The following C2CD3 variants were observed in gnomAD, a reference collection of about 807,000 sequenced individuals.
C2CD3 encodes the protein C2 domain containing 3 centriole elongation regulator.
A neutral mutation model predicts 234.0 loss-of-function variants in C2CD3; 148 were observed. The observed-to-expected ratio is 0.63, with a 90% CI of 0.55 to 0.72. The LOEUF is 0.72. C2CD3 is among the 30% of genes least tolerant of loss of function. C2CD3 has a pLI of 0.00. For missense variants in C2CD3, 2,577 were observed against 2,811.5 expected, an observed-to-expected ratio of 0.92 and a Z score of 1.89; for synonymous variants, 1,000 against 1,035.4, an observed-to-expected ratio of 0.97 and a Z score of 0.66.
At chr11:74,088,557 A>G (rs1955755907) in intron 20 of C2CD3, among the ~76,000 whole-genome samples, 1 of 152,196 alleles carries the variant, frequency 6.6e-6, no homozygotes, top group Non-Finnish European at 1.5e-5. Context: ...CCTGTCATCC[A>G]ATCTGACTTT....
chr11:74,082,978 T>C (rs1011560955), intron 22 of C2CD3, among the ~76,000 whole-genome samples: 20 of 152,190 alleles, frequency 1.3e-4, no homozygotes, highest in African/African-American at 4.6e-4. Flanking sequence ...AGAGCCCGCA[T>C]TGCCAAGACA....
rs188923307 is a variant in C2CD3 at position 74,037,711 on chromosome 11, G to A, written c.5661-13C>T. On this transcript the variant is annotated splice_polypyrimidine_tract_variant and intron_variant, in intron 29 of 32. Transcript: ENST00000334126. ...ACTCAGATTCTTCCTATAAACAAAA[G>A]GGGGAGAAGAAGACAAAGGGGTAAT... The A allele has an allele frequency of 6.8e-4, 1,088 of 1,597,656 alleles. 6 individuals are homozygous for A. In the African/African-American group the frequency reaches 0.012, roughly 18 times the overall value.
At chr11:74,147,246 C>T (rs1855269818) in intron 3 of C2CD3, among the ~76,000 whole-genome samples, 1 of 151,898 alleles carries the variant, frequency 6.6e-6, no homozygotes, top group Admixed American at 6.6e-5. Flanking sequence ...AAGGCCTTGT[C>T]TCTACAAAAA....
chr11:74,138,835 C>T lies in C2CD3; in HGVS notation c.840G>A (p.Gln280=), dbSNP rs139995248. ...ATTCAGAACTGTTCAGAAGGGACAT[C>T]TGCTTCCGTGGAGCTCTGCCTTTCA... The part of the protein sequence containing the change: ...VTLKGRAPRK[Q]MSLLNSSEFQ... The change falls in exon 5 of 33, where the codon CAG becomes CAA. Residue 280 remains glutamine, a synonymous_variant. Coordinates refer to ENST00000334126, the MANE Select transcript of C2CD3 (RefSeq NM_001286577.2). 125 of 1,614,052 alleles carry T rather than the reference C, an allele frequency of 7.7e-5. 1 individual carries two copies. In the Middle Eastern group the frequency reaches 5.9e-3, roughly 77 times the overall value.
chr11:74,150,612 A>G (rs937947184), intron 3 of C2CD3, among the ~76,000 whole-genome samples: 1 of 151,458 alleles, frequency 6.6e-6, no homozygotes, highest in Non-Finnish European at 1.5e-5. Context: ...CAGCTTCAAC[A>G]ATTATTCACA....
In C2CD3 at chr11:74,033,906, C is replaced by T. The variant is rs1389820066; in HGVS notation, c.6254G>A (p.Ser2085Asn). 1.3e-6 allele frequency: 2 copies of T among 1,536,210 alleles called. No homozygotes were observed. The highest frequency in any genetic ancestry group is 2.0e-5 in the Admixed American group (1 of 51,002). ...NEITTVTDKT[S>N]PWSSVISDTS... ...GTCTGATATGACACTAGACCAAGGG[C>T]TAGTTTTGTCTGTCACCGTGGTGAT... The change falls in exon 31 of 33, where the codon AGC becomes AAC. Residue 2085 changes from serine to asparagine, a missense_variant. Transcript: ENST00000334126.
At chr11:74,072,727 C>A (rs1422018473) in intron 24 of C2CD3, among the ~76,000 whole-genome samples, 1 of 147,862 alleles carries the variant, frequency 6.8e-6, no homozygotes, top group Non-Finnish European at 1.5e-5. Context: ...TTTTTTTTTA[C>A]TGTTTTATCC....
intron 28 of C2CD3, 27 bp from the exon 29 acceptor site, chr11:74,042,245 AGGAGC>A: frequency 6.5e-7 from 1 of 1,536,898 alleles, no homozygotes; most frequent in Non-Finnish European, 8.9e-7. Flanking sequence ...AAAAAAAAGT[AGGAGC>A]AAAATAAATT....
Position 74,044,835 on chromosome 11 carries a change from G to A in C2CD3, c.5496-2617C>T, listed in dbSNP as rs1407376921. Among the ~76,000 whole-genome samples the A allele has an allele frequency of 3.3e-5, 5 of 151,082 alleles. No individual in the cohort carries two copies. The East Asian group carries it at 7.7e-4, about 23-fold the overall frequency. On this transcript the variant is annotated intron_variant, in intron 28 of 32. Coordinates refer to ENST00000334126, the MANE Select transcript of C2CD3 (RefSeq NM_001286577.2). ...TGGTTTTCTGTTCTTGTGTTAATTC[G>A]CTTAGGATAATGGCCTCCAGCTGCA...
intron 25 of C2CD3, 129 bp downstream of exon 25, chr11:74,057,276 AT>A (rs1954000770): frequency 2.3e-6 from 2 of 867,310 alleles, no homozygotes; most frequent in African/African-American, 3.4e-5. Context: ...GGATTAAATA[AT>A]TGCTTGGATA....
chr11:74,120,037 T>C (rs1590862580), intron 8 of C2CD3, among the ~76,000 whole-genome samples: 1 of 152,104 alleles, frequency 6.6e-6, no homozygotes, highest in Admixed American at 6.5e-5. Flanking sequence ...AACTGAAAAA[T>C]AAATTTTAAA....
intron 24 of C2CD3, among the ~76,000 whole-genome samples, chr11:74,058,768 C>T (rs1356634343): frequency 1.3e-5 from 2 of 152,012 alleles, no homozygotes; most frequent in South Asian, 2.1e-4. Context: ...GCTGATGATA[C>T]TAGATAGTCT....
intron 29 of C2CD3, among the ~76,000 whole-genome samples, chr11:74,041,820 G>A (rs574277697): frequency 2.0e-5 from 3 of 152,164 alleles, no homozygotes; most frequent in Non-Finnish European, 4.4e-5. Flanking sequence ...ATTTACAGGT[G>A]CATCAGTAAC....
intron 31 of C2CD3, among the ~76,000 whole-genome samples, chr11:74,031,641 G>C (rs1460104659): frequency 6.6e-6 from 1 of 152,126 alleles, no homozygotes; most frequent in Non-Finnish European, 1.5e-5. Context: ...CTCATAATGG[G>C]AACTTCTCGA....
At position 74,089,680 on chromosome 11, in the gene C2CD3, T is replaced by C. The variant is rs1358091666; in HGVS notation, c.3641+1133A>G. On this transcript the variant is annotated intron_variant, in intron 20 of 32. Transcript: ENST00000334126. ...TCTCTTTCTTACTGGGTGCCTGTTA[T>C]ATGCTAGAACTATGCTAGGAGGTTA... Among the ~76,000 whole-genome samples, 3 of 152,212 alleles carry C rather than the reference T, an allele frequency of 2.0e-5. No individual in the cohort carries two copies. The East Asian group carries it at 5.8e-4, about 29-fold the overall frequency.
At chr11:74,052,240 T>TC (rs1953726166) in intron 26 of C2CD3, among the ~76,000 whole-genome samples, 1 of 152,176 alleles carries the variant, frequency 6.6e-6, no homozygotes, top group Non-Finnish European at 1.5e-5. Context: ...TTCTCTACAC[T>TC]CCAATAGTCC....
At chr11:74,093,768 ATTG>A in intron 18 of C2CD3, 45 bp downstream of exon 18, 1 of 1,497,348 alleles carries the variant, frequency 6.7e-7, no homozygotes. Flanking sequence ...ATGCTTTATG[ATTG>A]TGCACTTCCT....
chr11:74,056,702 T>A (rs1953964262), intron 25 of C2CD3, among the ~76,000 whole-genome samples: 1 of 152,152 alleles, frequency 6.6e-6, no homozygotes, highest in Non-Finnish European at 1.5e-5. Flanking sequence ...AGGATGAAAA[T>A]CCACAGCCTT....
chr11:74,030,820 T>G (rs1181847654), intron 31 of C2CD3, among the ~76,000 whole-genome samples: 1 of 152,150 alleles, frequency 6.6e-6, no homozygotes, highest in East Asian at 1.9e-4. Flanking sequence ...CCCAAACCTG[T>G]CTATGTGCTG....
Sources: gnomAD v4.1 joint callset for allele counts (sites outside exome capture counted in the v4.1 genomes callset) on GRCh38, gnomAD v4.1.1 for gene constraint, MANE v1.5 for transcripts, NCBI Gene and HGNC (gene_info 2026-07-23, HGNC 2026-07-21) for gene names.